The following MBD5 variants were observed in gnomAD, a reference collection of about 807,000 sequenced individuals.
The protein encoded by MBD5 is methyl-CpG binding domain protein 5.
MBD5 carries 13 observed loss-of-function variants against 117.3 expected under a neutral mutation model. The observed-to-expected ratio is 0.11, with a 90% CI of 0.07 to 0.18. The LOEUF is 0.18. MBD5 is among the 10% of genes least tolerant of loss of function. The probability of loss-of-function intolerance (pLI) is 1.00; values close to 1 mark genes in which losing one functional copy is unlikely to be tolerated. For missense variants in MBD5, 1,879 were observed against 2,093.8 expected (o/e 0.90, Z 2.00); for synonymous variants, 727 against 766.4 (o/e 0.95, Z 0.85).
chr2:148,067,459 C>G (rs1695234650), intron 1 of MBD5, among the ~76,000 whole-genome samples: 1 of 152,068 alleles, frequency 6.6e-6, no homozygotes, highest in African/African-American at 2.4e-5. Context: ...TTCTTAAGTT[C>G]TGATACCTCT....
At chr2:148,499,374 G>A (rs1381404522) in intron 11 of MBD5, among the ~76,000 whole-genome samples, 2 of 152,126 alleles carry the variant, frequency 1.3e-5, no homozygotes, top group Admixed American at 1.3e-4. Flanking sequence ...ATAAATTCCA[G>A]GTAGCTTTAT....
intron 2 of MBD5, among the ~76,000 whole-genome samples, chr2:148,228,442 T>A (rs957327991): frequency 6.6e-6 from 1 of 152,234 alleles, no homozygotes; most frequent in African/African-American, 2.4e-5. Context: ...GAACCGGCCA[T>A]GCATCCCAGG....
intron 7 of MBD5, 49 bp downstream of exon 7, chr2:148,463,968 G>C (rs375122926): frequency 3.2e-6 from 5 of 1,581,224 alleles, no homozygotes; most frequent in Non-Finnish European, 3.5e-6. Context: ...CCTAGAGAAG[G>C]AGTTGCTAGA....
At chr2:148,472,217 T>C (rs1444633559) in intron 8 of MBD5, 7 of 152,096 alleles carry the variant, frequency 4.6e-5, no homozygotes, top group Admixed American at 1.3e-4. Context: ...CATGTATCTT[T>C]GTAATACATC....
At chr2:148,081,082 A>C (rs1438684992) in intron 1 of MBD5, among the ~76,000 whole-genome samples, 3 of 152,220 alleles carry the variant, frequency 2.0e-5, no homozygotes, top group Non-Finnish European at 4.4e-5. Flanking sequence ...TTTTCTATAG[A>C]GTATATTTCA....
At chr2:148,278,245 C>CT (rs1701160878) in intron 3 of MBD5, among the ~76,000 whole-genome samples, 3 of 151,656 alleles carry the variant, frequency 2.0e-5, no homozygotes, top group Admixed American at 2.0e-4. Context: ...TTATATGACT[C>CT]TGATTGTTTG....
intron 1 of MBD5, among the ~76,000 whole-genome samples, chr2:148,073,910 G>A (rs756562640): frequency 2.0e-5 from 3 of 152,022 alleles, no homozygotes; most frequent in Non-Finnish European, 4.4e-5. Context: ...AAATCAACAG[G>A]TAAAACAGCA....
At chr2:148,385,140 G>A (rs1704306864) in intron 4 of MBD5, among the ~76,000 whole-genome samples, 1 of 152,012 alleles carries the variant, frequency 6.6e-6, no homozygotes, top group Non-Finnish European at 1.5e-5. Flanking sequence ...AAGAGCTTGT[G>A]CACAGCAAAA....
At chr2:148,048,897 C>T (rs115839213) in intron 1 of MBD5, among the ~76,000 whole-genome samples, 1,867 of 152,098 alleles carry the variant, frequency 0.012, 44 homozygotes, top group African/African-American at 0.043. Flanking sequence ...CCTGTCTCAT[C>T]CTGGGATGTT....
At chr2:148,501,131 A>G (rs1681859002) in intron 11 of MBD5, among the ~76,000 whole-genome samples, 1 of 152,236 alleles carries the variant, frequency 6.6e-6, no homozygotes, top group Non-Finnish European at 1.5e-5. Context: ...TCCATATTTG[A>G]CTGTTTTTCT....
At chr2:148,305,141 G>A (rs1701863845) in intron 3 of MBD5, among the ~76,000 whole-genome samples, 1 of 152,026 alleles carries the variant, frequency 6.6e-6, no homozygotes, top group Admixed American at 6.6e-5. Flanking sequence ...TTGCTAAACT[G>A]ATCCAGCAGG....
intron 11 of MBD5, chr2:148,490,816 C>G (rs1681501293): frequency 1.7e-6 from 1 of 585,276 alleles, no homozygotes; most frequent in Non-Finnish European, 3.0e-6. Context: ...ATAGATCACA[C>G]TAGGGCTCAG....
intron 4 of MBD5, among the ~76,000 whole-genome samples, chr2:148,353,652 C>A (rs1703300809): frequency 6.6e-6 from 1 of 152,046 alleles, no homozygotes; most frequent in African/African-American, 2.4e-5. Context: ...ATAATTGTGG[C>A]TCATTGCAAC....
intron 4 of MBD5, among the ~76,000 whole-genome samples, chr2:148,382,228 C>T (rs1227423847): frequency 6.6e-6 from 1 of 151,594 alleles, no homozygotes; most frequent in Non-Finnish European, 1.5e-5. Flanking sequence ...TGCAGAGACA[C>T]ACATAGGCTC....
At chr2:148,215,605 T>G (rs1447341826) in intron 2 of MBD5, among the ~76,000 whole-genome samples, 4 of 151,876 alleles carry the variant, frequency 2.6e-5, no homozygotes, top group African/African-American at 9.7e-5. Context: ...CACTGCAGCC[T>G]GGAACTCCAG....
At chr2:148,498,037 T>G (rs1361459082) in intron 11 of MBD5, among the ~76,000 whole-genome samples, 1 of 152,152 alleles carries the variant, frequency 6.6e-6, no homozygotes, top group East Asian at 1.9e-4. Flanking sequence ...TTAAGCCAGG[T>G]CGCAACCCTG....
chr2:148,319,400 T>C (rs1702231325), intron 3 of MBD5, among the ~76,000 whole-genome samples: 1 of 152,222 alleles, frequency 6.6e-6, no homozygotes, highest in South Asian at 2.1e-4. Flanking sequence ...TAGGATGTTT[T>C]TCCATTTGTT....
At chr2:148,030,030 G>T (rs1318349935) in intron 1 of MBD5, among the ~76,000 whole-genome samples, 1 of 152,170 alleles carries the variant, frequency 6.6e-6, no homozygotes, top group African/African-American at 2.4e-5. Context: ...CAGCACTTTG[G>T]GAGGCCAAGG....
intron 1 of MBD5, among the ~76,000 whole-genome samples, chr2:148,171,444 A>C (rs1698260740): frequency 6.6e-6 from 1 of 152,202 alleles, no homozygotes; most frequent in South Asian, 2.1e-4. Flanking sequence ...ATGTTAAAAA[A>C]CTGTCACCAA....
Sources: allele counts gnomAD v4.1 joint callset (sites outside exome capture counted in the v4.1 genomes callset), GRCh38; gene constraint gnomAD v4.1.1; transcripts MANE v1.5; gene names NCBI Gene and HGNC (gene_info 2026-07-23, HGNC 2026-07-21).